Variants in ATP1B4 observed in about 807,000 individuals in gnomAD.
ATP1B4 encodes ATPase Na+/K+ transporting family member beta 4.
Under a neutral mutation model 29.6 loss-of-function variants are expected in ATP1B4, and 32 were observed. The ratio of observed to expected loss-of-function variants is 1.08; its 90% CI spans 0.82 to 1.45. The LOEUF is 1.45. ATP1B4 is among the 40% of genes most tolerant of loss of function. ATP1B4 has a pLI of 0.00. For synonymous variants in ATP1B4, 127 were observed against 102.1 expected, an observed-to-expected ratio of 1.24 and a Z score of -1.47; for missense variants, 323 against 276.2, an observed-to-expected ratio of 1.17 and a Z score of -1.20.
chrX:120,365,402 G>A (rs192123349), intron 1 of ATP1B4, among the ~76,000 whole-genome samples: 4 of 112,023 alleles, frequency 3.6e-5, no homozygotes, highest in East Asian at 5.6e-4. Context: ...CCAATTTGCT[G>A]AGCCCTCCTC....
chrX:120,376,404 G>A lies in ATP1B4; in HGVS notation c.784G>A (p.Gly262Arg). 1 of 1,210,678 alleles carries A rather than the reference G, an allele frequency of 8.3e-7. No homozygotes were observed. The highest frequency in any genetic ancestry group is 3.0e-5 in the East Asian group (1 of 33,845). Reference protein sequence around the residue: ...NRIVGFRPELGDPVKVSCKVQ... With the variant: ...NRIVGFRPELRDPVKVSCKVQ... ...GATTGTAGGCTTTCGTCCTGAGCTTGGAGATCCTGTGAAGGTTTCCTGCAA... is the reference window on the plus strand; with the variant it reads ...GATTGTAGGCTTTCGTCCTGAGCTTAGAGATCCTGTGAAGGTTTCCTGCAA... Residue 262 changes from glycine to arginine, a missense_variant, in exon 6 of 8, where the codon GGA (glycine) becomes AGA (arginine). Physicochemically the swap from Gly to Arg is moderately radical, Grantham distance 125 (BLOSUM62 -2). Transcript: ENST00000218008.
Position 120,378,758 on chromosome X carries a change from C to A in ATP1B4, c.897C>A (p.Tyr299Ter), listed in dbSNP as rs148650396. Residue 299 changes from tyrosine (Y) to a stop codon, truncating the protein, a stop_gained, in exon 7 of 8, where the codon TAC becomes TAA. Coordinates refer to ENST00000218008, the MANE Select transcript of ATP1B4 (RefSeq NM_001142447.3). LOFTEE classifies it high-confidence loss of function. The part of the protein sequence containing the change: ...ASFDLRYYPY[Y>*]GKLTHVNYTS... ...TTGACCTCCGCTACTACCCTTACTA[C>A]GGCAAACTGACTCACGTAAGCTGTA... 8.3e-7 allele frequency: 1 copy of A among 1,206,883 alleles called. No homozygotes were observed. The highest frequency in any genetic ancestry group is 1.8e-5 in the South Asian group (1 of 56,720).
At chrX:120,376,933 C>T (rs756277117) in intron 6 of ATP1B4, among the ~76,000 whole-genome samples, 18 of 112,169 alleles carry the variant, frequency 1.6e-4, no homozygotes, top group Admixed American at 3.8e-4. Flanking sequence ...AAACAGAACT[C>T]GATTAATATG....
intron 4 of ATP1B4, among the ~76,000 whole-genome samples, chrX:120,374,643 T>TTATATATATATAATATAATATATAA (rs2058334698): frequency 3.0e-5 from 1 of 32,954 alleles, no homozygotes; most frequent in Non-Finnish European, 5.2e-5. Flanking sequence ...TAATATTATA[T>TTATATATATATAATATAATATATAA]TATATATATA....
At chrX:120,372,658 A>G (rs2058319671) in intron 4 of ATP1B4, among the ~76,000 whole-genome samples, 1 of 112,444 alleles carries the variant, frequency 8.9e-6, no homozygotes, top group Admixed American at 9.4e-5. Context: ...CTGAATCAAA[A>G]TCTGCATTTT....
In ATP1B4 at chrX:120,380,659, T is replaced by C. The variant is rs1478668900; in HGVS notation, c.*1025T>C. 1 of 112,281 alleles carries C rather than the reference T, an allele frequency of 8.9e-6. No individual in the cohort carries two copies. The highest frequency in any genetic ancestry group is 2.8e-4 in the East Asian group (1 of 3,582). The allele number at this position is 112,281 out of a possible 1,213,427, so 9.3% of individuals were successfully genotyped here. A position where few individuals can be genotyped will look rare whatever the true frequency, so the allele number is the denominator to read the frequency against. On this transcript the variant is annotated 3_prime_UTR_variant, in exon 8 of 8. Coordinates refer to ENST00000218008, the MANE Select transcript of ATP1B4 (RefSeq NM_001142447.3). ...TTGGGCTATTTGTTTGACAGTAGCA[T>C]GATGTTTTTTGAGACCATCAGGGGT... is the stretch of plus-strand genomic sequence containing the variant.
intron 4 of ATP1B4, among the ~76,000 whole-genome samples, chrX:120,373,708 T>C (rs2058325541): frequency 8.9e-6 from 1 of 112,432 alleles, no homozygotes; most frequent in African/African-American, 3.2e-5. Flanking sequence ...GGACACATGT[T>C]ACATTCCATC....
intron 4 of ATP1B4, among the ~76,000 whole-genome samples, chrX:120,374,929 T>C (rs1164511546): frequency 1.0e-5 from 1 of 98,410 alleles, no homozygotes; most frequent in African/African-American, 3.7e-5. Flanking sequence ...TATATACCCT[T>C]ATATACCATA....
chrX:120,363,315 C>A (rs2058271526), intron 1 of ATP1B4, among the ~76,000 whole-genome samples: 1 of 112,462 alleles, frequency 8.9e-6, no homozygotes, highest in African/African-American at 3.2e-5. Context: ...TAACTTCCCC[C>A]AAAGTTTCTT....
intron 2 of ATP1B4, among the ~76,000 whole-genome samples, chrX:120,367,735 G>T (rs2058293024): frequency 9.0e-6 from 1 of 111,542 alleles, no homozygotes; most frequent in Non-Finnish European, 1.9e-5. Flanking sequence ...TCTTCTAAAG[G>T]CCCCGTTGGC....
chrX:120,362,380 A>G lies in ATP1B4; in HGVS notation c.63+149A>G, dbSNP rs189077367. 2.0e-3 allele frequency: 1,023 copies of G among 513,786 alleles called. 7 individuals carry two copies. The African/African-American group carries it at 0.021, about 10-fold the overall frequency. The allele number at this position is 513,786 out of a possible 1,213,427, so 42.3% of individuals were successfully genotyped here. On this transcript the variant is annotated intron_variant, in intron 1 of 7. Coordinates refer to ENST00000218008, the MANE Select transcript of ATP1B4 (RefSeq NM_001142447.3). The stretch of plus-strand genomic sequence containing the variant: ...TTTAGGGGAGCCCAGGGTTTCAAAA[A>G]GGAGCAGTGACTCCCAGCACCCCCG...
At chrX:120,365,367 A>G (rs73614146) in intron 1 of ATP1B4, among the ~76,000 whole-genome samples, 2,551 of 112,390 alleles carry the variant, frequency 0.023, 79 homozygotes, top group African/African-American at 0.077. Flanking sequence ...GTCATTCTGT[A>G]TCACTTGTAC....
chrX:120,374,979 A>G (rs1187483942), intron 4 of ATP1B4, among the ~76,000 whole-genome samples: 2 of 103,446 alleles, frequency 1.9e-5, no homozygotes, highest in Admixed American at 2.3e-4. Context: ...TCTACCAACT[A>G]TGTGCCTATT....
At chrX:120,376,344 T>C (rs765798385) in intron 5 of ATP1B4, 36 bp from the exon 6 acceptor site, 2 of 1,191,480 alleles carry the variant, frequency 1.7e-6, no homozygotes, top group South Asian at 3.6e-5. Flanking sequence ...ATATGTTTTG[T>C]TAAAAAAAAA....
chrX:120,371,527 A>T (rs1405012216), intron 4 of ATP1B4, among the ~76,000 whole-genome samples: 1 of 112,058 alleles, frequency 8.9e-6, no homozygotes, highest in African/African-American at 3.2e-5. Flanking sequence ...AATAATGATC[A>T]TTTATAGAAG....
Position 120,381,750 on chromosome X carries a change from T to C in ATP1B4, c.*2116T>C, listed in dbSNP as rs979084192. 4 of 112,269 alleles carry C rather than the reference T, an allele frequency of 3.6e-5. No individual in the cohort carries two copies. Among genetic ancestry groups the C allele is most frequent in the African/African-American group, 1.3e-4 (4 of 30,813 alleles). 9.3% of individuals were successfully genotyped at this position (112,269 alleles called of 1,213,427 possible). A position where few individuals can be genotyped will look rare whatever the true frequency, so the allele number is the denominator to read the frequency against. Reference sequence around the variant, plus strand: ...ACAGGCGTGAGCCACCGCACCCGGCTTGCAATTTAGAAAGGGCACTTGGCA... The same window carrying C: ...ACAGGCGTGAGCCACCGCACCCGGCCTGCAATTTAGAAAGGGCACTTGGCA... On this transcript the variant is annotated 3_prime_UTR_variant, in exon 8 of 8. Transcript: ENST00000218008.
intron 5 of ATP1B4, among the ~76,000 whole-genome samples, chrX:120,375,957 TTAAA>T (rs1171569576): frequency 9.0e-6 from 1 of 111,393 alleles, no homozygotes; most frequent in Non-Finnish European, 1.9e-5. Context: ...AAAAAGTATT[TTAAA>T]TAAAGAATGG....
intron 4 of ATP1B4, among the ~76,000 whole-genome samples, chrX:120,373,005 A>G (rs1042188648): frequency 1.8e-5 from 2 of 112,419 alleles, no homozygotes; most frequent in African/African-American, 6.5e-5. Context: ...CCAAGAAGCT[A>G]GTAGACAGAG....
Position 120,378,724 on chromosome X carries a change from C to G in ATP1B4, c.863C>G (p.Ser288Trp). ...DIRSISYYPE[S>W]ASFDLRYYPY... ...CGATCCATCAGTTACTACCCAGAGT[C>G]GGCTTCTTTTGACCTCCGCTACTAC... The change falls in exon 7 of 8, where the codon TCG becomes TGG. Residue 288 changes from serine to tryptophan, a missense_variant. Physicochemically the swap from Ser to Trp is radical, Grantham distance 177 (BLOSUM62 -3). Coordinates refer to ENST00000218008, the MANE Select transcript of ATP1B4 (RefSeq NM_001142447.3). The G allele has an allele frequency of 1.4e-5, 17 of 1,211,298 alleles. No homozygotes were observed. The highest frequency in any genetic ancestry group is 1.9e-5 in the Non-Finnish European group (17 of 895,191).
Sources: allele counts gnomAD v4.1 joint callset (sites outside exome capture counted in the v4.1 genomes callset), GRCh38; gene constraint gnomAD v4.1.1; transcripts MANE v1.5; gene names NCBI Gene and HGNC (gene_info 2026-07-23, HGNC 2026-07-21).